Variants in ZNF705B observed in about 807,000 individuals in gnomAD.
ZNF705B encodes the protein zinc finger protein 705B.
Under a neutral mutation model 10.5 loss-of-function variants are expected in ZNF705B, and 1 was observed. The ratio of observed to expected loss-of-function variants is 0.10; its 90% confidence interval spans 0.03 to 0.45. The LOEUF (loss-of-function observed/expected upper bound fraction) is 0.45, where lower values mean the gene tolerates loss of function less well. ZNF705B is among the 20% of genes least tolerant of loss of function. The pLI is 0.97. For missense variants in ZNF705B, 14 were observed against 84.0 expected, an observed-to-expected ratio of 0.17 and a Z score of 3.26; for synonymous variants, 4 against 25.4, an observed-to-expected ratio of 0.16 and a Z score of 2.53.
chr8:7,930,964 T>C (rs1392489475), intron 2 of ZNF705B, among the ~76,000 whole-genome samples: 6 of 126,838 alleles, frequency 4.7e-5, no homozygotes, highest in African/African-American at 1.5e-4. Flanking sequence ...CAAGCAATTC[T>C]CCTGCCTCAG....
rs1470614874 is a variant in ZNF705B, at chr8:7,932,074, C to A, written c.-72+1638C>A. Among the ~76,000 whole-genome samples, 2 of 120,030 alleles carry A rather than the reference C, an allele frequency of 1.7e-5. 1 individual carries two copies. The highest frequency in any genetic ancestry group is 4.8e-4 in the East Asian group (2 of 4,204). 78.7% of individuals were successfully genotyped at this position (120,030 alleles called of 152,430 possible). On this transcript the variant is annotated intron_variant, in intron 2 of 6. Transcript: ENST00000400120. ...GGGGGCACGTGCAGACGATCCAGTG[C>A]CAACTCCTTCTCTGGGACAATGACC...
chr8:7,929,628 G>A (rs2128941291), intron 1 of ZNF705B, among the ~76,000 whole-genome samples: 1 of 123,254 alleles, frequency 8.1e-6, no homozygotes, highest in East Asian at 2.3e-4. Context: ...TTACACCCAT[G>A]CCATAATTTG....
intron 1 of ZNF705B, among the ~76,000 whole-genome samples, chr8:7,929,769 C>A (rs1819790558): frequency 9.0e-6 from 1 of 110,720 alleles, no homozygotes; most frequent in African/African-American, 2.6e-5. Context: ...AGAAGCATCA[C>A]CACTAAAGGA....
intron 2 of ZNF705B, among the ~76,000 whole-genome samples, chr8:7,933,102 T>C: frequency 8.6e-6 from 1 of 115,744 alleles, no homozygotes; most frequent in East Asian, 2.5e-4. Context: ...ATAGGGAGAT[T>C]ATCTTAGATT....
At chr8:7,927,430 T>G (rs1311887497) in intron 1 of ZNF705B, among the ~76,000 whole-genome samples, 1 of 121,332 alleles carries the variant, frequency 8.2e-6, no homozygotes, top group Non-Finnish European at 2.0e-5. Context: ...ATGATGAGCT[T>G]TTTTTCATGT....
rs1172528418 is a variant in ZNF705B at position 7,950,031 on chromosome 8, AG to A, written c.141del. The A allele has an allele frequency of 1.8e-6, 2 of 1,090,392 alleles. No individual in the cohort carries two copies. Among genetic ancestry groups the A allele is most frequent in the Admixed American group, 3.5e-5 (1 of 28,796 alleles). The allele number at this position is 1,090,392 out of a possible 1,614,324, so 67.5% of individuals were successfully genotyped here. A position where few individuals can be genotyped will look rare whatever the true frequency, so the allele number is the denominator to read the frequency against. On this transcript the variant is annotated splice_acceptor_variant, in intron 4 of 6. Transcript: ENST00000400120. LOFTEE classifies it high-confidence loss of function. ...AAACACATGTATTCTTTCCACTAAC[AG>A]GGTACCAGATAAGCAAATCCTATAT...
rs1172103095 is a variant in ZNF705B, at chr8:7,935,753, A to G, written c.-72+5317A>G. 1.1e-3 allele frequency among the ~76,000 whole-genome samples: 98 copies of G among 89,000 alleles called. 15 individuals carry two copies. The East Asian group carries it at 0.028, about 26-fold the overall frequency. The allele number at this position is 89,000 out of a possible 152,430, so 58.4% of individuals were successfully genotyped here. On this transcript the variant is annotated intron_variant, in intron 2 of 6. Coordinates refer to ENST00000400120, the MANE Select transcript of ZNF705B (RefSeq NM_001193630.1). ...AAATAAAGGTCATGCTTTTCTGAAG[A>G]CAATGGTAATTGTAAATGTTGACCA...
At chr8:7,932,248 G>T (rs1819869294) in intron 2 of ZNF705B, among the ~76,000 whole-genome samples, 1 of 121,160 alleles carries the variant, frequency 8.3e-6, no homozygotes, top group African/African-American at 2.5e-5. Flanking sequence ...TGGAGAGCCT[G>T]TCCTGGCTTT....
Position 7,930,836 on chromosome 8 carries a change from TATTTTTTTTG to T in ZNF705B, c.-72+401_-72+410del, listed in dbSNP as rs1190195931. On this transcript the variant is annotated intron_variant, in intron 2 of 6. Transcript: ENST00000400120. The stretch of plus-strand genomic sequence containing the variant: ...ACATCACGGCAAAGATGTGTTGTGT[TATTTTTTTTG>T]TTTTTTTTTTTGTTGTTGTTGTTGT... 1.0e-4 allele frequency among the ~76,000 whole-genome samples: 10 copies of T among 95,984 alleles called. 1 individual carries two copies. Among genetic ancestry groups the T allele is most frequent in the South Asian group, 4.2e-4 (1 of 2,404 alleles). 63.0% of individuals were successfully genotyped at this position (95,984 alleles called of 152,430 possible).
chr8:7,932,389 T>C (rs1326941502), intron 2 of ZNF705B, among the ~76,000 whole-genome samples: 3 of 121,148 alleles, frequency 2.5e-5, no homozygotes, highest in African/African-American at 7.5e-5. Flanking sequence ...CTACTTGCTG[T>C]CTTGGTCTTT....
At chr8:7,928,952 G>A (rs866638652) in intron 1 of ZNF705B, among the ~76,000 whole-genome samples, 4,776 of 110,590 alleles carry the variant, frequency 0.043, 130 homozygotes, top group African/African-American at 0.12. Flanking sequence ...TCAGAAGGCC[G>A]CAGGGCTAGG....
intron 1 of ZNF705B, among the ~76,000 whole-genome samples, chr8:7,928,288 C>G (rs1819752763): frequency 8.3e-6 from 1 of 120,316 alleles, no homozygotes; most frequent in Non-Finnish European, 2.0e-5. Context: ...GGCATTTCAA[C>G]AGATGAATGG....
intron 2 of ZNF705B, among the ~76,000 whole-genome samples, chr8:7,932,212 C>T (rs1819868032): frequency 8.2e-6 from 1 of 121,268 alleles, no homozygotes; most frequent in East Asian, 2.4e-4. Context: ...ACCACTGGGG[C>T]TCTCTTTTTT....
At chr8:7,937,610 C>G (rs1173680091) in intron 2 of ZNF705B, among the ~76,000 whole-genome samples, 4 of 121,720 alleles carry the variant, frequency 3.3e-5, no homozygotes, top group South Asian at 2.8e-4. Context: ...AAAAATCAAA[C>G]CCATGTATTT....
chr8:7,940,529 C>G (rs554211409), intron 2 of ZNF705B, among the ~76,000 whole-genome samples: 5 of 115,246 alleles, frequency 4.3e-5, no homozygotes, highest in Non-Finnish European at 1.0e-4. Context: ...ATGCTGTAAA[C>G]GAGACCTCCA....
At position 7,940,724 on chromosome 8, in the gene ZNF705B, C is replaced by G. The variant is rs1375700445; in HGVS notation, c.-71-6627C>G. ...TCTGTGGTTGGCCTATTTCATATAA[C>G]CTAATGCCCTCCAAGTCCATCCATG... On this transcript the variant is annotated intron_variant, in intron 2 of 6. Coordinates refer to ENST00000400120, the MANE Select transcript of ZNF705B (RefSeq NM_001193630.1). 2.7e-5 allele frequency among the ~76,000 whole-genome samples: 4 copies of G among 146,536 alleles called. No homozygotes were observed. The Admixed American group carries it at 2.8e-4, about 10-fold the overall frequency.
chr8:7,940,222 C>T (rs1433366806), intron 2 of ZNF705B, among the ~76,000 whole-genome samples: 2 of 146,530 alleles, frequency 1.4e-5, no homozygotes, highest in Non-Finnish European at 3.0e-5. Flanking sequence ...ACATCTACCC[C>T]TCCTTTTAAG....
In ZNF705B at chr8:7,941,821, A is replaced by AT. The variant is rs542165449; in HGVS notation, c.-71-5520dup. Among the ~76,000 whole-genome samples the AT allele has an allele frequency of 1.6e-3, 102 of 62,376 alleles. 7 individuals are homozygous for AT. Among genetic ancestry groups the AT allele is most frequent in the South Asian group, 4.7e-3 (8 of 1,716 alleles). The allele number at this position is 62,376 out of a possible 152,430, so 40.9% of individuals were successfully genotyped here. ...CACCATGCCCAGCTAATTTTTTGTA[A>AT]TTTTTTTTTTCTTTTTTTAGTGGAG... is the stretch of plus-strand genomic sequence containing the variant. On this transcript the variant is annotated intron_variant, in intron 2 of 6. Transcript: ENST00000400120.
intron 1 of ZNF705B, among the ~76,000 whole-genome samples, chr8:7,927,396 T>C (rs1819722210): frequency 8.2e-6 from 1 of 121,382 alleles, no homozygotes; most frequent in Non-Finnish European, 2.0e-5. Flanking sequence ...GTTAGGTTCA[T>C]TTGCATTTCT....
Sources: gnomAD v4.1 joint callset for allele counts (sites outside exome capture counted in the v4.1 genomes callset) on GRCh38, gnomAD v4.1.1 for gene constraint, MANE v1.5 for transcripts, NCBI Gene and HGNC (gene_info 2026-07-23, HGNC 2026-07-21) for gene names.